FLG: variants seen among roughly 807,000 people sequenced by gnomAD.
The protein encoded by FLG is epidermal filaggrin.
A neutral mutation model predicts 3.8 loss-of-function variants in FLG; 6 were observed. The ratio of observed to expected loss-of-function variants is 1.60; its 90% CI spans 0.87 to 3.15. The LOEUF (loss-of-function observed/expected upper bound fraction) is 3.15. Among genes scored for constraint, FLG ranks in the 30% most tolerant of loss-of-function variants. FLG has a pLI of 0.00. For missense variants in FLG, 7,595 were observed against 5,050.9 expected, an observed-to-expected ratio of 1.50 and a Z score of -15.27; for synonymous variants, 2,551 against 1,931.6, an observed-to-expected ratio of 1.32 and a Z score of -8.41.
chr1:152,305,275 C>A lies in FLG; in HGVS notation c.9611G>T (p.Gly3204Val), dbSNP rs1190520007. The change falls in exon 3 of 3, where the codon GGG (glycine) becomes GTG (valine). Residue 3204 changes from glycine to valine, a missense_variant. Physicochemically the swap from Gly to Val is moderately radical, Grantham distance 109 (BLOSUM62 -3). Coordinates refer to ENST00000368799, the MANE Select transcript of FLG (RefSeq NM_002016.2). ...TCCCTGGCGCCTGCTTCTCCTGGAC[C>A]CCTCTGATTGTCCCTGGACTGCCTG... ...HSQAVQGQSE[G>V]SRRSRRQGSS... The A allele has an allele frequency of 6.2e-7, 1 of 1,612,024 alleles. No homozygotes were observed. The highest frequency in any genetic ancestry group is 2.2e-5 in the East Asian group (1 of 44,576).
chr1:152,314,817 G>C, intron 2 of FLG, 70 bp from the exon 3 acceptor site: 1 of 1,587,554 alleles, frequency 6.3e-7, no homozygotes, highest in South Asian at 1.2e-5. Context: ...TTAATTCAAA[G>C]TTAATTTAAG....
chr1:152,313,340 T>G lies in FLG; in HGVS notation c.1546A>C (p.Ile516Leu). The change falls in exon 3 of 3, where the codon ATT becomes CTT. Residue 516 changes from isoleucine to leucine, a missense_variant. Coordinates refer to ENST00000368799, the MANE Select transcript of FLG (RefSeq NM_002016.2). Reference protein sequence around the residue: ...HSASQEGQDTIRGHPGSSRGG... With the variant: ...HSASQEGQDTLRGHPGSSRGG... ...CTGCTTGACCCCGGGTGTCCACGAATGGTGTCCTGACCCTCTTGGGACGCT... is the reference window on the plus strand; with the variant it reads ...CTGCTTGACCCCGGGTGTCCACGAAGGGTGTCCTGACCCTCTTGGGACGCT... 3.1e-6 allele frequency: 5 copies of G among 1,613,096 alleles called. No homozygotes were observed. The highest frequency in any genetic ancestry group is 4.2e-6 in the Non-Finnish European group (5 of 1,179,798).
Position 152,304,300 on chromosome 1 carries a change from G to C in FLG, c.10586C>G (p.Pro3529Arg). The change falls in exon 3 of 3, where the codon CCC becomes CGC. Residue 3529 changes from proline to arginine, a missense_variant. By Grantham distance (103) the Pro-to-Arg change is moderately radical (BLOSUM62 -2). Coordinates refer to ENST00000368799, the MANE Select transcript of FLG (RefSeq NM_002016.2). ...SQSGQGQSAGPRTSRNQGSSV... is the reference protein window; with the variant it reads ...SQSGQGQSAGRRTSRNQGSSV... ...GGATCCCTGGTTCCTGCTTGTCCTG[G>C]GCCCCGCTGATTGTCCCTGGCCGGA... The C allele has an allele frequency of 6.2e-7, 1 of 1,612,332 alleles. No homozygotes were observed. Among genetic ancestry groups the C allele is most frequent in the Non-Finnish European group, 8.5e-7 (1 of 1,179,076 alleles).
chr1:152,319,308 ATGTGTGTG>A (rs138449164), intron 1 of FLG, among the ~76,000 whole-genome samples: 83 of 145,256 alleles, frequency 5.7e-4, no homozygotes, highest in East Asian at 4.3e-3. Context: ...CAACTAGAAA[ATGTGTGTG>A]TGTGTGTGTG....
In FLG at chr1:152,309,395, G is replaced by C; in HGVS notation, c.5491C>G (p.Gln1831Glu). 1.2e-6 allele frequency: 2 copies of C among 1,613,802 alleles called. No individual in the cohort carries two copies. Among genetic ancestry groups the C allele is most frequent in the Non-Finnish European group, 1.7e-6 (2 of 1,179,980 alleles). The change falls in exon 3 of 3, where the codon CAA becomes GAA. Residue 1831 changes from glutamine to glutamate, a missense_variant. By Grantham distance (29) the Gln-to-Glu change is conservative. Transcript: ENST00000368799. ...GAGTGTCCAGAACTATCTACCGATTGCTCATAGTGGGATCCCTGCCTTCCT... is the reference window on the plus strand; with the variant it reads ...GAGTGTCCAGAACTATCTACCGATTCCTCATAGTGGGATCCCTGCCTTCCT... ...RGGRQGSHYEQSVDSSGHSGS... is the reference protein window; with the variant it reads ...RGGRQGSHYEESVDSSGHSGS...
chr1:152,307,351 C>T lies in FLG; in HGVS notation c.7535G>A (p.Ser2512Asn). ...DASHGHSGSR[S>N]ASRQTRNDEQ... ...ATCGTTACGAGTTTGTCTGCTTGCA[C>T]TTCTGGATCCTGAGTGCCCATGGGA... Residue 2512 changes from serine (S) to asparagine (N), a missense_variant, in exon 3 of 3, where the codon AGT becomes AAT. Coordinates refer to ENST00000368799, the MANE Select transcript of FLG (RefSeq NM_002016.2). The T allele has an allele frequency of 5.6e-6, 9 of 1,613,038 alleles. No individual in the cohort carries two copies. Among genetic ancestry groups the T allele is most frequent in the Non-Finnish European group, 7.6e-6 (9 of 1,179,660 alleles).
At position 152,307,376 on chromosome 1, in the gene FLG, A is replaced by C. The variant is rs758504630; in HGVS notation, c.7510T>G (p.Ser2504Ala). 2 of 1,612,654 alleles carry C rather than the reference A, an allele frequency of 1.2e-6. No homozygotes were observed. Among genetic ancestry groups the C allele is most frequent in the Non-Finnish European group, 1.7e-6 (2 of 1,179,614 alleles). ...HTTSQGRSDA[S>A]HGHSGSRSAS... ...CTTCTGGATCCTGAGTGCCCATGGGAGGCATCAGACCTTCCCTGGGATGTG... is the reference window on the plus strand; with the variant it reads ...CTTCTGGATCCTGAGTGCCCATGGGCGGCATCAGACCTTCCCTGGGATGTG... The change falls in exon 3 of 3, where the codon TCC becomes GCC. Residue 2504 changes from serine (S) to alanine (A), a missense_variant. Coordinates refer to ENST00000368799, the MANE Select transcript of FLG (RefSeq NM_002016.2).
At position 152,303,682 on chromosome 1, in the gene FLG, T is replaced by A. The variant is rs765292962; in HGVS notation, c.11204A>T (p.Gln3735Leu). Residue 3735 changes from glutamine to leucine, a missense_variant, in exon 3 of 3, where the codon CAA becomes CTA. By Grantham distance (113) the Gln-to-Leu change is moderately radical (BLOSUM62 -2). Coordinates refer to ENST00000368799, the MANE Select transcript of FLG (RefSeq NM_002016.2). ...GRAGPSTGGR[Q>L]GSRHEQARDS... ...TCGTGCCTGCTCGTGGCGGGATCCTTGTCTTCCTCCAGTACTGGGCCCAGC... is the reference window on the plus strand; with the variant it reads ...TCGTGCCTGCTCGTGGCGGGATCCTAGTCTTCCTCCAGTACTGGGCCCAGC... 2 of 1,613,962 alleles carry A rather than the reference T, an allele frequency of 1.2e-6. No individual in the cohort carries two copies. Among genetic ancestry groups the A allele is most frequent in the South Asian group, 2.2e-5 (2 of 91,084 alleles).
At position 152,314,164 on chromosome 1, in the gene FLG, T is replaced by A; in HGVS notation, c.722A>T (p.Asp241Val). The A allele has an allele frequency of 6.2e-7, 1 of 1,614,224 alleles. No homozygotes were observed. Among genetic ancestry groups the A allele is most frequent in the Non-Finnish European group, 8.5e-7 (1 of 1,180,040 alleles). Residue 241 changes from aspartate (D) to valine (V), a missense_variant, in exon 3 of 3, where the codon GAT becomes GTT. Coordinates refer to ENST00000368799, the MANE Select transcript of FLG (RefSeq NM_002016.2). ...GHIATYYTIQ[D>V]EAYDTTDSLL... ...ACTATCAGTGGTGTCATAGGCTTCA[T>A]CCTGGATTGTGTAATATGTGGCAAT...
In FLG at chr1:152,313,023, A is replaced by T. The variant is rs1239664796; in HGVS notation, c.1863T>A (p.Val621=). ...GTCCCTGACTGTCACTGTCCTGGCT[A>T]ACACTGGATCCCTGGTTCCTACTTG... ...PRTSRNQGSS[V]SQDSDSQGHS... The change falls in exon 3 of 3, where the codon GTT becomes GTA. Residue 621 remains valine, a synonymous_variant. Transcript: ENST00000368799. The T allele has an allele frequency of 1.2e-6, 2 of 1,613,888 alleles. No homozygotes were observed. The highest frequency in any genetic ancestry group is 1.7e-6 in the Non-Finnish European group (2 of 1,179,976).
In FLG at chr1:152,313,075, C is replaced by T. The variant is rs201416506; in HGVS notation, c.1811G>A (p.Gly604Asp). ...QADSSRHSQV[G>D]QGQSSGPRTS... ...CCTGGGCCCCGATGATTGTCCCTGG[C>T]CCACCTGTGAGTGTCTAGAGCTGTC... The change falls in exon 3 of 3, where the codon GGC becomes GAC. Residue 604 changes from glycine (G) to aspartate (D), a missense_variant. Gly to Asp is a moderately conservative substitution (Grantham distance 94). Coordinates refer to ENST00000368799, the MANE Select transcript of FLG (RefSeq NM_002016.2). 4.8e-5 allele frequency: 78 copies of T among 1,613,840 alleles called. No individual in the cohort carries two copies. The highest frequency in any genetic ancestry group is 5.6e-5 in the Non-Finnish European group (66 of 1,180,028).
rs775080390 is a variant in FLG, at chr1:152,307,402, G to C, written c.7484C>G (p.Thr2495Ser). 6.2e-7 allele frequency: 1 copy of C among 1,613,266 alleles called. No individual in the cohort carries two copies. ...SGHSGSHHSHTTSQGRSDASH... is the reference protein window; with the variant it reads ...SGHSGSHHSHSTSQGRSDASH... ...GGCATCAGACCTTCCCTGGGATGTG[G>C]TGTGGCTGTGATGAGACCCTGAGTG... Residue 2495 changes from threonine (T) to serine (S), a missense_variant, in exon 3 of 3, where the codon ACC (threonine) becomes AGC (serine). Thr to Ser is a moderately conservative substitution (Grantham distance 58). Transcript: ENST00000368799.
chr1:152,305,586 G>T lies in FLG; in HGVS notation c.9300C>A (p.His3100Gln). ...TGTCCTGACCGTATTGGGATGCTGAGTGCCTGGAGCTGTCTTGTGCCTGCT... is the reference window on the plus strand; with the variant it reads ...TGTCCTGACCGTATTGGGATGCTGATTGCCTGGAGCTGTCTTGTGCCTGCT... ...RHEQAQDSSR[H>Q]SASQYGQDTI... The change falls in exon 3 of 3, where the codon CAC becomes CAA. Residue 3100 changes from histidine to glutamine, a missense_variant. Physicochemically the swap from His to Gln is conservative, Grantham distance 24. Coordinates refer to ENST00000368799, the MANE Select transcript of FLG (RefSeq NM_002016.2). 1 of 1,503,796 alleles carries T rather than the reference G, an allele frequency of 6.6e-7. No homozygotes were observed. Among genetic ancestry groups the T allele is most frequent in the Non-Finnish European group, 8.8e-7 (1 of 1,130,886 alleles). The allele number at this position is 1,503,796 out of a possible 1,614,324, so 93.2% of individuals were successfully genotyped here. A position where few individuals can be genotyped will look rare whatever the true frequency, so the allele number is the denominator to read the frequency against.
In FLG at chr1:152,310,819, C is replaced by T; in HGVS notation, c.4067G>A (p.Arg1356Lys). 1 of 1,612,034 alleles carries T rather than the reference C, an allele frequency of 6.2e-7. No individual in the cohort carries two copies. The change falls in exon 3 of 3, where the codon AGA becomes AAA. Residue 1356 changes from arginine to lysine, a missense_variant. By Grantham distance (26) the Arg-to-Lys change is conservative. Coordinates refer to ENST00000368799, the MANE Select transcript of FLG (RefSeq NM_002016.2). ...HEQARSSPGE[R>K]HGSRHQQSAD... ...TGACTGCTGGTGGCGGGATCCATGT[C>T]TTTCTCCTGGACTTGATCTTGCCTG...
rs199917335 is a variant in FLG, at chr1:152,307,333, C to T, written c.7553G>A (p.Arg2518His). The T allele has an allele frequency of 6.9e-5, 112 of 1,612,778 alleles. No homozygotes were observed. Among genetic ancestry groups the T allele is most frequent in the African/African-American group, 1.6e-4 (12 of 74,688 alleles). ...SGSRSASRQTRNDEQSGDGSR... is the reference protein window; with the variant it reads ...SGSRSASRQTHNDEQSGDGSR... ...GCCGTCTCCTGATTGTTCATCGTTACGAGTTTGTCTGCTTGCACTTCTGGA... is the reference window on the plus strand; with the variant it reads ...GCCGTCTCCTGATTGTTCATCGTTATGAGTTTGTCTGCTTGCACTTCTGGA... Residue 2518 changes from arginine to histidine, a missense_variant, in exon 3 of 3, where the codon CGT (arginine) becomes CAT (histidine). Arg to His is a conservative substitution (Grantham distance 29). Coordinates refer to ENST00000368799, the MANE Select transcript of FLG (RefSeq NM_002016.2).
In FLG at chr1:152,304,885, C is replaced by G; in HGVS notation, c.10001G>C (p.Gly3334Ala). Residue 3334 changes from glycine to alanine, a missense_variant, in exon 3 of 3, where the codon GGG (glycine) becomes GCG (alanine). Gly to Ala is a moderately conservative substitution (Grantham distance 60). Coordinates refer to ENST00000368799, the MANE Select transcript of FLG (RefSeq NM_002016.2). ...SSAVRDSRHW[G>A]SSGSQASDSE... ...ATCACTGGCCTGACTACCACTGGAC[C>G]CCCAGTGTCTACTGTCTCTGACTGC... 1.2e-6 allele frequency: 2 copies of G among 1,613,772 alleles called. No individual in the cohort carries two copies. Among genetic ancestry groups the G allele is most frequent in the East Asian group, 2.2e-5 (1 of 44,808 alleles).
In FLG at chr1:152,313,943, C is replaced by T. The variant is rs1652648563; in HGVS notation, c.943G>A (p.Gly315Arg). 6.2e-7 allele frequency: 1 copy of T among 1,614,138 alleles called. No homozygotes were observed. Among genetic ancestry groups the T allele is most frequent in the Non-Finnish European group, 8.5e-7 (1 of 1,180,034 alleles). ...GHSEDSERHS[G>R]SASRNHHGSA... is the part of the protein sequence containing the mutation. The stretch of plus-strand genomic sequence containing the variant: ...CCATGATGGTTTCTGGAAGCCGACC[C>T]AGAGTGCCTCTCAGAGTCTTCTGAG... The change falls in exon 3 of 3, where the codon GGG (glycine) becomes AGG (arginine). Residue 315 changes from glycine to arginine, a missense_variant. Physicochemically the swap from Gly to Arg is moderately radical, Grantham distance 125. Coordinates refer to ENST00000368799, the MANE Select transcript of FLG (RefSeq NM_002016.2).
At position 152,308,479 on chromosome 1, in the gene FLG, T is replaced by C. The variant is rs1458483667; in HGVS notation, c.6407A>G (p.Asp2136Gly). 3.1e-6 allele frequency: 5 copies of C among 1,613,712 alleles called. No homozygotes were observed. In the Admixed American group the frequency reaches 8.3e-5, roughly 27 times the overall value. ...SRHSASQEGQ[D>G]TIRGHPGPSR... Reference sequence around the variant, plus strand: ...TGGCCCCGGGTGTCCACGAATGGTGTCCTGACCCTCTTGGGATGCTGAGTG... The same window carrying C: ...TGGCCCCGGGTGTCCACGAATGGTGCCCTGACCCTCTTGGGATGCTGAGTG... The change falls in exon 3 of 3, where the codon GAC becomes GGC. Residue 2136 changes from aspartate to glycine, a missense_variant. Asp to Gly is a moderately conservative substitution (Grantham distance 94). Coordinates refer to ENST00000368799, the MANE Select transcript of FLG (RefSeq NM_002016.2).
intron 1 of FLG, among the ~76,000 whole-genome samples, chr1:152,318,062 C>A (rs1281848008): frequency 6.6e-6 from 1 of 151,742 alleles, no homozygotes; most frequent in African/African-American, 2.4e-5. Context: ...TTTTTATCAC[C>A]ACAGAAACAT....
Sources: allele counts gnomAD v4.1 joint callset (sites outside exome capture counted in the v4.1 genomes callset), GRCh38; gene constraint gnomAD v4.1.1; transcripts MANE v1.5; gene names NCBI Gene and HGNC (gene_info 2026-07-23, HGNC 2026-07-21).